Variants in TAFA5 observed in about 807,000 individuals in gnomAD.
The protein encoded by TAFA5 is TAFA chemokine like family member 5, also known as chemokine-like protein TAFA-5.
Under a neutral mutation model 15.3 loss-of-function variants are expected in TAFA5, and 6 were observed. The observed-to-expected ratio is 0.39, with a 90% CI of 0.21 to 0.77. TAFA5 has a LOEUF of 0.77. TAFA5 is among the 30% of genes least tolerant of loss of function. The probability of loss-of-function intolerance (pLI) is 0.41; values close to 1 mark genes in which losing one functional copy is unlikely to be tolerated. For missense variants in TAFA5, 161 were observed against 193.1 expected, an observed-to-expected ratio of 0.83 and a Z score of 0.98; for synonymous variants, 103 against 80.7, an observed-to-expected ratio of 1.28 and a Z score of -1.48.
chr22:48,713,057 G>A (rs1929301027), intron 3 of TAFA5, among the ~76,000 whole-genome samples: 1 of 152,354 alleles, frequency 6.6e-6, no homozygotes, highest in South Asian at 2.1e-4. Context: ...TCAGTGAGCT[G>A]TGCCATCTCC....
chr22:48,490,305 G>C lies in TAFA5; in HGVS notation c.112+601G>C, dbSNP rs1310606312. 1.3e-5 allele frequency among the ~76,000 whole-genome samples: 2 copies of C among 152,014 alleles called. No individual in the cohort carries two copies. Among genetic ancestry groups the C allele is most frequent in the Non-Finnish European group, 1.5e-5 (1 of 67,970 alleles). On this transcript the variant is annotated intron_variant, in intron 1 of 3. Transcript: ENST00000402357. The surrounding 1 kb of genome is among the most constrained non-coding windows in gnomAD (Gnocchi z 5.8). ...GAGGGGGCTCGCCGCGGCCGCGGAC[G>C]TTTCTCGGGTCGTGTCTGGGGCCCG...
At chr22:48,713,751 C>G (rs1434053621) in intron 3 of TAFA5, among the ~76,000 whole-genome samples, 1 of 152,248 alleles carries the variant, frequency 6.6e-6, no homozygotes, top group Non-Finnish European at 1.5e-5. Flanking sequence ...CTTGCCTTGT[C>G]CAGGCCACCA....
chr22:48,654,717 T>C (rs557344051), intron 2 of TAFA5, among the ~76,000 whole-genome samples: 1 of 152,330 alleles, frequency 6.6e-6, no homozygotes, highest in African/African-American at 2.4e-5. Flanking sequence ...CTCAAATGAC[T>C]AATAACTGTC....
Position 48,750,034 on chromosome 22 carries a change from C to T in TAFA5, c.*187C>T, listed in dbSNP as rs3752466. 307 of 625,664 alleles carry T rather than the reference C, an allele frequency of 4.9e-4. 3 individuals carry two copies. In the East Asian group the frequency reaches 8.3e-3, roughly 17 times the overall value. 38.8% of individuals were successfully genotyped at this position (625,664 alleles called of 1,614,324 possible). ...TGAGCTTCGGTCTGTCCAGCCGACC[C>T]GAGGAGGCCGGACTCAGACACATAG... On this transcript the variant is annotated 3_prime_UTR_variant, in exon 4 of 4. Coordinates refer to ENST00000402357, the MANE Select transcript of TAFA5 (RefSeq NM_001082967.3).
At position 48,707,710 on chromosome 22, in the gene TAFA5, C is replaced by G. The variant is rs1929123399; in HGVS notation, c.263-7C>G. On this transcript the variant is annotated splice_region_variant and splice_polypyrimidine_tract_variant and intron_variant, in intron 2 of 3. Coordinates refer to ENST00000402357, the MANE Select transcript of TAFA5 (RefSeq NM_001082967.3). ...CACGCTGATTGCCTCTCTCTTTTCT[C>G]CCACAGCAAGAATCATCAAGACCAA... is the stretch of plus-strand genomic sequence containing the variant. 1.2e-6 allele frequency: 2 copies of G among 1,613,550 alleles called. No individual in the cohort carries two copies. Among genetic ancestry groups the G allele is most frequent in the Non-Finnish European group, 1.7e-6 (2 of 1,179,754 alleles).
chr22:48,554,481 A>C (rs1922961862), intron 1 of TAFA5, among the ~76,000 whole-genome samples: 1 of 152,206 alleles, frequency 6.6e-6, no homozygotes, highest in African/African-American at 2.4e-5. Context: ...ACATGAGTTA[A>C]TTACTCTTTA....
At chr22:48,682,307 G>A (rs1430075544) in intron 2 of TAFA5, among the ~76,000 whole-genome samples, 1 of 152,186 alleles carries the variant, frequency 6.6e-6, no homozygotes, top group African/African-American at 2.4e-5. Context: ...GGATGAAATG[G>A]CAGATGGCAC....
At chr22:48,706,244 A>C (rs9617423) in intron 2 of TAFA5, among the ~76,000 whole-genome samples, 87,951 of 151,880 alleles carry the variant, frequency 0.58, 25,653 homozygotes, top group Middle Eastern at 0.66. Context: ...CCAAAGGAAA[A>C]CAGGAAGGGG....
rs145888308 is a variant in TAFA5 at position 48,659,284 on chromosome 22, G to T, written c.262+12538G>T. Among the ~76,000 whole-genome samples the T allele has an allele frequency of 5.3e-5, 8 of 152,360 alleles. No individual in the cohort carries two copies. The East Asian group carries it at 1.5e-3, about 29-fold the overall frequency. ...ATTTTGCTTCAGCCACCATGGTCTG[G>T]CCATGGAGCCAGGAGGTCTACGGGG... On this transcript the variant is annotated intron_variant, in intron 2 of 3. Coordinates refer to ENST00000402357, the MANE Select transcript of TAFA5 (RefSeq NM_001082967.3).
chr22:48,689,405 C>T (rs1431711253), intron 2 of TAFA5, among the ~76,000 whole-genome samples: 1 of 152,134 alleles, frequency 6.6e-6, no homozygotes, highest in Non-Finnish European at 1.5e-5. Context: ...AGGGATTTAG[C>T]GATTCCCTGA....
intron 2 of TAFA5, among the ~76,000 whole-genome samples, chr22:48,689,287 A>AC (rs1452907271): frequency 2.0e-5 from 3 of 151,932 alleles, no homozygotes; most frequent in Admixed American, 2.0e-4. Context: ...ACCGGGTCTG[A>AC]CCCCCACCCC....
intron 1 of TAFA5, among the ~76,000 whole-genome samples, chr22:48,637,045 G>A (rs977003790): frequency 2.0e-5 from 3 of 152,174 alleles, no homozygotes; most frequent in Non-Finnish European, 2.9e-5. Context: ...CAGGGGCCCT[G>A]GCTCGGGGCT....
chr22:48,567,705 G>C (rs535207089), intron 1 of TAFA5, among the ~76,000 whole-genome samples: 19 of 152,274 alleles, frequency 1.2e-4, no homozygotes. Context: ...GCTCCTCCGG[G>C]TGAGCTCGGG....
intron 1 of TAFA5, among the ~76,000 whole-genome samples, chr22:48,622,237 T>G (rs922569513): frequency 6.6e-6 from 1 of 151,988 alleles, no homozygotes; most frequent in South Asian, 2.1e-4. Flanking sequence ...ATCCCCAAAA[T>G]ATTTATGTAG....
chr22:48,742,504 C>G lies in TAFA5; in HGVS notation c.391-7335C>G, dbSNP rs1369672576. Among the ~76,000 whole-genome samples the G allele has an allele frequency of 6.6e-6, 1 of 152,068 alleles. No individual in the cohort carries two copies. Among genetic ancestry groups the G allele is most frequent in the African/African-American group, 2.4e-5 (1 of 41,376 alleles). Reference sequence around the variant, plus strand: ...GCAGTGGAGCGGGCGTTGTGGTGGACCCGGTGGCGTGGCAGACCAGGCGAC... The same window carrying G: ...GCAGTGGAGCGGGCGTTGTGGTGGAGCCGGTGGCGTGGCAGACCAGGCGAC... On this transcript the variant is annotated intron_variant, in intron 3 of 3. Coordinates refer to ENST00000402357, the MANE Select transcript of TAFA5 (RefSeq NM_001082967.3). This position sits in a 1 kb window ranked among gnomAD's most constrained non-coding sequence, Gnocchi z 6.2.
At chr22:48,592,314 T>C (rs1366295517) in intron 1 of TAFA5, among the ~76,000 whole-genome samples, 1 of 152,226 alleles carries the variant, frequency 6.6e-6, no homozygotes, top group Non-Finnish European at 1.5e-5. Context: ...GAGCCTTGGC[T>C]GTCCCCTTGC....
intron 1 of TAFA5, among the ~76,000 whole-genome samples, chr22:48,565,004 A>G (rs1429772443): frequency 6.6e-6 from 1 of 152,216 alleles, no homozygotes; most frequent in Non-Finnish European, 1.5e-5. Context: ...GCACGGCCCC[A>G]CACCTGCTGT....
chr22:48,507,277 T>C (rs1284837949), intron 1 of TAFA5, among the ~76,000 whole-genome samples: 1 of 119,746 alleles, frequency 8.4e-6, no homozygotes, highest in South Asian at 2.8e-4. Flanking sequence ...AAGGAGACAG[T>C]CATCAAGGGC....
chr22:48,590,095 G>A (rs1924508682), intron 1 of TAFA5, among the ~76,000 whole-genome samples: 1 of 152,072 alleles, frequency 6.6e-6, no homozygotes, highest in African/African-American at 2.4e-5. Flanking sequence ...GGTCCACCTT[G>A]TCTCAAGGAG....
Sources: gnomAD v4.1 joint callset for allele counts (sites outside exome capture counted in the v4.1 genomes callset) on GRCh38, gnomAD v4.1.1 for gene constraint, Gnocchi (gnomAD v3.1) non-coding constraint, MANE v1.5 for transcripts, NCBI Gene and HGNC (gene_info 2026-07-23, HGNC 2026-07-21) for gene names.